The following MEGF9 variants were observed in gnomAD, a reference collection of about 807,000 sequenced individuals.
MEGF9 encodes the protein multiple EGF like domains 9, also known as multiple epidermal growth factor-like domains protein 9.
In MEGF9, 6 loss-of-function variants were observed where a neutral mutation model predicts 46.8. The ratio of observed to expected loss-of-function variants is 0.13; its 90% CI spans 0.07 to 0.25. The LOEUF (loss-of-function observed/expected upper bound fraction) is 0.25. Among genes scored for constraint, MEGF9 ranks in the 10% least tolerant of loss-of-function variants. MEGF9 has a pLI of 1.00. For synonymous variants in MEGF9, 302 were observed against 330.7 expected (o/e 0.91, Z 0.94); for missense variants, 683 against 792.4 (o/e 0.86, Z 1.66).
In MEGF9 at chr9:120,649,485, C is replaced by T. The variant is rs147995648; in HGVS notation, c.803+9889G>A. Reference sequence around the variant, plus strand: ...ATCATCCCAGGATGATTGAGTGTGGCGGGGTGTGTGAATGCACCCTATGAT... The same window carrying T: ...ATCATCCCAGGATGATTGAGTGTGGTGGGGTGTGTGAATGCACCCTATGAT... On this transcript the variant is annotated intron_variant, in intron 2 of 5. Coordinates refer to ENST00000373930, the MANE Select transcript of MEGF9 (RefSeq NM_001080497.3). Among the ~76,000 whole-genome samples, 8 of 152,244 alleles carry T rather than the reference C, an allele frequency of 5.3e-5. No individual in the cohort carries two copies. In the East Asian group the frequency reaches 9.7e-4, roughly 18 times the overall value.
chr9:120,705,393 AG>A (rs1426546575), intron 1 of MEGF9, among the ~76,000 whole-genome samples: 1 of 152,030 alleles, frequency 6.6e-6, no homozygotes, highest in Non-Finnish European at 1.5e-5. Flanking sequence ...AGGAGGACAA[AG>A]TGGTAAATTG....
chr9:120,648,617 T>C (rs1479998255), intron 2 of MEGF9, among the ~76,000 whole-genome samples: 2 of 152,198 alleles, frequency 1.3e-5, no homozygotes, highest in Non-Finnish European at 2.9e-5. Context: ...TCTTTTGACA[T>C]ATGGTTGGCA....
intron 1 of MEGF9, among the ~76,000 whole-genome samples, chr9:120,670,957 C>G (rs1386091592): frequency 6.6e-6 from 1 of 152,198 alleles, no homozygotes; most frequent in East Asian, 1.9e-4. Context: ...AACAAAAATA[C>G]AGACTGCCTC....
intron 2 of MEGF9, among the ~76,000 whole-genome samples, chr9:120,655,893 T>C (rs113777489): frequency 3.3e-5 from 5 of 152,360 alleles, no homozygotes; most frequent in Admixed American, 2.0e-4. Flanking sequence ...AGTCTACCAA[T>C]TATATCTGGA....
Position 120,612,412 on chromosome 9 carries a change from T to C in MEGF9, c.1071A>G (p.Thr357=). The change falls in exon 4 of 6, where the codon ACA becomes ACG. Residue 357 remains threonine (T), a synonymous_variant. Transcript: ENST00000373930. The part of the protein sequence containing the change: ...LRCPCSAVTS[T]GSCSIKSSEL... Reference sequence around the variant, plus strand: ...AGGCCTTACTTATAGAGCAGCTGCCTGTAGATGTCACTGCTGAACAAGGGC... The same window carrying C: ...AGGCCTTACTTATAGAGCAGCTGCCCGTAGATGTCACTGCTGAACAAGGGC... 5 of 1,612,290 alleles carry C rather than the reference T, an allele frequency of 3.1e-6. No homozygotes were observed. Among genetic ancestry groups the C allele is most frequent in the Non-Finnish European group, 4.2e-6 (5 of 1,179,278 alleles).
At position 120,627,194 on chromosome 9, in the gene MEGF9, A is replaced by T. The variant is rs538554743; in HGVS notation, c.804-4439T>A. ...GGTAGAAACAGTTTTGGGGGAAAAAATTTTAATCGAGAAGAGAAAGGATCT... is the reference window on the plus strand; with the variant it reads ...GGTAGAAACAGTTTTGGGGGAAAAATTTTTAATCGAGAAGAGAAAGGATCT... On this transcript the variant is annotated intron_variant, in intron 2 of 5. Transcript: ENST00000373930. Among the ~76,000 whole-genome samples, 342 of 152,282 alleles carry T rather than the reference A, an allele frequency of 2.2e-3. 1 individual carries two copies. Among genetic ancestry groups the T allele is most frequent in the African/African-American group, 8.0e-3 (332 of 41,556 alleles).
At chr9:120,710,157 G>A (rs1043341041) in intron 1 of MEGF9, among the ~76,000 whole-genome samples, 6 of 151,768 alleles carry the variant, frequency 4.0e-5, no homozygotes, top group South Asian at 2.1e-4. Context: ...GGCCAGGCAC[G>A]GTGGCTTACA....
chr9:120,686,976 TA>T (rs1448425845), intron 1 of MEGF9, among the ~76,000 whole-genome samples: 1 of 152,098 alleles, frequency 6.6e-6, no homozygotes, highest in African/African-American at 2.4e-5. Flanking sequence ...TGTGTATATA[TA>T]TATATTTAGA....
intron 2 of MEGF9, among the ~76,000 whole-genome samples, chr9:120,636,697 T>C (rs2043575872): frequency 6.6e-6 from 1 of 152,180 alleles, no homozygotes; most frequent in Non-Finnish European, 1.5e-5. Context: ...ATAAAAATGG[T>C]GCTCCACACC....
At chr9:120,706,410 A>G (rs2043929024) in intron 1 of MEGF9, among the ~76,000 whole-genome samples, 1 of 152,068 alleles carries the variant, frequency 6.6e-6, no homozygotes, top group African/African-American at 2.4e-5. Flanking sequence ...AAGGTATGAT[A>G]AATTTGGGGG....
chr9:120,605,535 G>A lies in MEGF9; in HGVS notation c.1464C>T (p.Thr488=). The change falls in exon 6 of 6, where the codon ACC becomes ACT. Residue 488 remains threonine, a synonymous_variant. Coordinates refer to ENST00000373930, the MANE Select transcript of MEGF9 (RefSeq NM_001080497.3). The surrounding 1 kb of genome is among the most constrained non-coding windows in gnomAD (Gnocchi z 4.0). ...TGCTTACTGAAAAGATAGTCTGCAG[G>A]GTTGTAGGGGTAAAAGTACTATTTA... ...PVINSTFTPT[T]LQTIFSVSTS... is the part of the protein sequence containing the mutation. The A allele has an allele frequency of 6.2e-7, 1 of 1,613,262 alleles. No homozygotes were observed. Among genetic ancestry groups the A allele is most frequent in the Non-Finnish European group, 8.5e-7 (1 of 1,179,466 alleles).
At chr9:120,651,003 G>T (rs1169866892) in intron 2 of MEGF9, among the ~76,000 whole-genome samples, 1 of 152,038 alleles carries the variant, frequency 6.6e-6, no homozygotes, top group Admixed American at 6.5e-5. Flanking sequence ...ATTTTGTATT[G>T]TATGTGTTTC....
At chr9:120,699,583 C>T (rs1282912387) in intron 1 of MEGF9, among the ~76,000 whole-genome samples, 2 of 149,592 alleles carry the variant, frequency 1.3e-5, no homozygotes, top group East Asian at 1.9e-4. Context: ...ATTAGCTGAG[C>T]ATGGTGGCAC....
intron 4 of MEGF9, among the ~76,000 whole-genome samples, chr9:120,608,714 CTTCCT>C (rs2043431133): frequency 6.6e-6 from 1 of 152,200 alleles, no homozygotes; most frequent in Non-Finnish European, 1.5e-5. Flanking sequence ...AGTATCTTCC[CTTCCT>C]GAGTCCTGTC....
In MEGF9 at chr9:120,714,194, C is replaced by T; in HGVS notation, c.165G>A (p.Pro55=). The part of the protein sequence containing the change: ...GGAAGQVDAS[P]GPGLRGEPSH... ...TGGGCTCGCCCCGCAACCCGGGGCC[C>T]GGCGACGCGTCCACCTGCCCCGCGG... Residue 55 remains proline, a synonymous_variant, in exon 1 of 6, where the codon CCG becomes CCA. Transcript: ENST00000373930. 2.4e-6 allele frequency: 3 copies of T among 1,234,438 alleles called. No homozygotes were observed. Among genetic ancestry groups the T allele is most frequent in the Non-Finnish European group, 3.0e-6 (3 of 990,238 alleles). 76.5% of individuals were successfully genotyped at this position (1,234,438 alleles called of 1,614,324 possible). A position where few individuals can be genotyped will look rare whatever the true frequency, so the allele number is the denominator to read the frequency against.
intron 2 of MEGF9, among the ~76,000 whole-genome samples, chr9:120,655,537 T>C (rs2043672746): frequency 6.6e-6 from 1 of 152,212 alleles, no homozygotes; most frequent in Non-Finnish European, 1.5e-5. Flanking sequence ...GTAATAATAT[T>C]ATAGGTCTCT....
In MEGF9 at chr9:120,714,151, C is replaced by T; in HGVS notation, c.208G>A (p.Ala70Thr). The T allele has an allele frequency of 4.0e-6, 5 of 1,236,080 alleles. No individual in the cohort carries two copies. The highest frequency in any genetic ancestry group is 5.0e-6 in the Non-Finnish European group (5 of 990,680). 76.6% of individuals were successfully genotyped at this position (1,236,080 alleles called of 1,614,324 possible). Residue 70 changes from alanine (A) to threonine (T), a missense_variant, in exon 1 of 6, where the codon GCG (alanine) becomes ACG (threonine). Physicochemically the swap from Ala to Thr is moderately conservative, Grantham distance 58. This residue lies in a region of MEGF9 where 370 missense variants were observed against 371.3 expected (regional missense o/e 1.00). Transcript: ENST00000373930. ...RGEPSHPFPR[A>T]TAPTAQAPRT... ...GGGGCCTGGGCCGTGGGAGCCGTCGCCCTAGGGAAGGGGTGGCTGGGCTCG... is the reference window on the plus strand; with the variant it reads ...GGGGCCTGGGCCGTGGGAGCCGTCGTCCTAGGGAAGGGGTGGCTGGGCTCG...
chr9:120,645,311 G>A (rs1452914695), intron 2 of MEGF9, among the ~76,000 whole-genome samples: 1 of 152,180 alleles, frequency 6.6e-6, no homozygotes, highest in Non-Finnish European at 1.5e-5. Context: ...GAACCTAGGA[G>A]ACCTAATTTA....
Position 120,711,844 on chromosome 9 carries a change from T to TACACACACAC in MEGF9, c.601+1904_601+1913dup, listed in dbSNP as rs924373123. ...CAAATGCTTTCTATACATACATACA[T>TACACACACAC]ACACACACACACACACACACACACA... On this transcript the variant is annotated intron_variant, in intron 1 of 5. Coordinates refer to ENST00000373930, the MANE Select transcript of MEGF9 (RefSeq NM_001080497.3). Among the ~76,000 whole-genome samples, 55 of 143,558 alleles carry TACACACACAC rather than the reference T, an allele frequency of 3.8e-4. 1 individual carries two copies. Among genetic ancestry groups the TACACACACAC allele is most frequent in the African/African-American group, 1.1e-3 (42 of 38,896 alleles). 94.2% of individuals were successfully genotyped at this position (143,558 alleles called of 152,430 possible).
Sources: gnomAD v4.1 joint callset for allele counts (sites outside exome capture counted in the v4.1 genomes callset) on GRCh38, gnomAD v4.1.1 for gene constraint, gnomAD v4.1.1 regional missense constraint, Gnocchi (gnomAD v3.1) non-coding constraint, MANE v1.5 for transcripts, NCBI Gene and HGNC (gene_info 2026-07-23, HGNC 2026-07-21) for gene names.